KMT2C: variants seen among roughly 807,000 people sequenced by gnomAD.
KMT2C encodes the protein lysine methyltransferase 2C.
A neutral mutation model predicts 507.9 loss-of-function variants in KMT2C; 88 were observed. That is an observed-to-expected ratio of 0.17 (90% CI 0.15 to 0.21). The LOEUF is 0.21. KMT2C is among the 10% of genes least tolerant of loss of function. KMT2C has a pLI of 1.00. For synonymous variants in KMT2C, 2,049 were observed against 2,080.8 expected (o/e 0.98, Z 0.42); for missense variants, 4,954 against 5,957.8 (o/e 0.83, Z 5.55).
In KMT2C at chr7:152,181,737, T is replaced by C. The variant is rs1162231885; in HGVS notation, c.6123A>G (p.Gly2041=). The change falls in exon 36 of 59, where the codon GGA becomes GGG. Residue 2041 remains glycine (G), a synonymous_variant. Coordinates refer to ENST00000262189, the MANE Select transcript of KMT2C (RefSeq NM_170606.3). ...LTPAPLDSGP[G]PFKTPMQPPP... is the part of the protein sequence containing the mutation. Reference sequence around the variant, plus strand: ...GAGGTTGCATTGGAGTCTTAAAAGGTCCAGGACCACTATCAAGAGGTGCAG... The same window carrying C: ...GAGGTTGCATTGGAGTCTTAAAAGGCCCAGGACCACTATCAAGAGGTGCAG... 1 of 1,614,024 alleles carries C rather than the reference T, an allele frequency of 6.2e-7. No homozygotes were observed. The highest frequency in any genetic ancestry group is 8.5e-7 in the Non-Finnish European group (1 of 1,180,008).
intron 2 of KMT2C, among the ~76,000 whole-genome samples, chr7:152,343,832 T>A (rs920912906): frequency 1.3e-5 from 2 of 152,120 alleles, no homozygotes; most frequent in African/African-American, 2.4e-5. Flanking sequence ...AAGTGAAGGC[T>A]TTCTCAGGCA....
chr7:152,270,910 T>A (rs957339375), intron 7 of KMT2C, among the ~76,000 whole-genome samples: 3 of 152,208 alleles, frequency 2.0e-5, no homozygotes, highest in Non-Finnish European at 4.4e-5. Flanking sequence ...ATGAGATGCA[T>A]GCTTTTGTTA....
chr7:152,229,862 T>A, intron 18 of KMT2C, 61 bp downstream of exon 18: 1 of 1,250,944 alleles, frequency 8.0e-7, no homozygotes, highest in Middle Eastern at 2.9e-4. Flanking sequence ...GAGCTCATGT[T>A]ACTACTAAAA....
intron 34 of KMT2C, among the ~76,000 whole-genome samples, chr7:152,185,106 A>G (rs1344112006): frequency 6.6e-6 from 1 of 152,174 alleles, no homozygotes; most frequent in African/African-American, 2.4e-5. Flanking sequence ...TACTTAACAC[A>G]ATATAAATGC....
chr7:152,169,121 AC>A (rs2092852097), intron 41 of KMT2C, 64 bp downstream of exon 41: 4 of 1,030,210 alleles, frequency 3.9e-6, no homozygotes, highest in Non-Finnish European at 6.2e-6. Flanking sequence ...CAGGTTTAGA[AC>A]AGCACACATA....
intron 20 of KMT2C, among the ~76,000 whole-genome samples, chr7:152,223,686 C>T (rs1279180884): frequency 2.6e-5 from 4 of 151,910 alleles, no homozygotes; most frequent in Non-Finnish European, 4.4e-5. Context: ...CCCAGATACT[C>T]GGGAGGCTGA....
rs113632846 is a variant in KMT2C, at chr7:152,238,803, T to C, written c.2556A>G (p.Thr852=). 2 of 1,608,196 alleles carry C rather than the reference T, an allele frequency of 1.2e-6. No individual in the cohort carries two copies. Among genetic ancestry groups the C allele is most frequent in the Admixed American group, 3.4e-5 (2 of 59,336 alleles). ...SKQGAWSTHN[T]VSPPSWSPDI... is the part of the protein sequence containing the mutation. ...CTGGGGACCAGGAAGGTGGGCTCAC[T>C]GTATTATGGGTACTCCAAGCCCCCT... Residue 852 remains threonine (T), a synonymous_variant, in exon 15 of 59, where the codon ACA becomes ACG. Transcript: ENST00000262189.
intron 6 of KMT2C, among the ~76,000 whole-genome samples, chr7:152,303,962 C>T (rs1254199684): frequency 6.6e-6 from 1 of 151,900 alleles, no homozygotes; most frequent in Non-Finnish European, 1.5e-5. Flanking sequence ...CAATCTCAGC[C>T]TAGGAGACAG....
At chr7:152,306,593 A>C (rs2096617431) in intron 6 of KMT2C, among the ~76,000 whole-genome samples, 1 of 152,222 alleles carries the variant, frequency 6.6e-6, no homozygotes, top group African/African-American at 2.4e-5. Flanking sequence ...AGTAATACAT[A>C]ATTTGTATTG....
intron 6 of KMT2C, among the ~76,000 whole-genome samples, chr7:152,279,888 A>T (rs865978036): frequency 0.011 from 1,368 of 123,232 alleles, no homozygotes; most frequent in Middle Eastern, 0.029. Context: ...CAGTATTCTA[A>T]AATGCCCGCA....
At chr7:152,197,770 C>G (rs2094008356) in intron 27 of KMT2C, among the ~76,000 whole-genome samples, 2 of 151,832 alleles carry the variant, frequency 1.3e-5, no homozygotes, top group East Asian at 1.9e-4. Flanking sequence ...TAAAAAAAAG[C>G]CTTTAGTCAT....
At chr7:152,271,455 CGAGGTCAG>C (rs893385487) in intron 7 of KMT2C, among the ~76,000 whole-genome samples, 3 of 151,904 alleles carry the variant, frequency 2.0e-5, no homozygotes, top group African/African-American at 7.3e-5. Flanking sequence ...GGGCAGATCA[CGAGGTCAG>C]GAGTTCGAGA....
intron 48 of KMT2C, 43 bp downstream of exon 48, chr7:152,153,967 G>A (rs2091855425): frequency 6.3e-7 from 1 of 1,595,560 alleles, no homozygotes; most frequent in Non-Finnish European, 8.6e-7. Context: ...TTTGAAAATT[G>A]GGGACATACT....
intron 2 of KMT2C, among the ~76,000 whole-genome samples, chr7:152,346,622 T>C (rs1010300516): frequency 1.3e-5 from 2 of 152,160 alleles, no homozygotes; most frequent in South Asian, 2.1e-4. Context: ...CAGTTGACCC[T>C]TGAACAATGA....
chr7:152,154,835 G>A, intron 46 of KMT2C: 2 of 159,522 alleles, frequency 1.3e-5, no homozygotes, highest in Non-Finnish European at 2.7e-5. Flanking sequence ...CAATAAAAAA[G>A]GAAAACTTTA....
intron 1 of KMT2C, among the ~76,000 whole-genome samples, chr7:152,403,497 G>A (rs2097584897): frequency 6.6e-6 from 1 of 152,292 alleles, no homozygotes; most frequent in African/African-American, 2.4e-5. Flanking sequence ...CAACAAGAGC[G>A]AAACTCCATC....
chr7:152,162,534 CTCTAAT>C lies in KMT2C; in HGVS notation c.11037_11042del (p.Leu3680_Glu3681del), dbSNP rs776725840. 6.2e-7 allele frequency: 1 copy of C among 1,614,208 alleles called. No individual in the cohort carries two copies. The highest frequency in any genetic ancestry group is 2.2e-5 in the East Asian group (1 of 44,882). On this transcript the variant is annotated inframe_deletion, in exon 43 of 59. Coordinates refer to ENST00000262189, the MANE Select transcript of KMT2C (RefSeq NM_170606.3). ...AGAAATCACTATTGGGCAGTTTGTTCTCTAATTCTGTACATAGCTGGCCTGCTGCCA... is the reference window on the plus strand; with the variant it reads ...AGAAATCACTATTGGGCAGTTTGTTCTCTGTACATAGCTGGCCTGCTGCCA...
At chr7:152,385,165 T>C (rs2097412550) in intron 1 of KMT2C, among the ~76,000 whole-genome samples, 1 of 152,132 alleles carries the variant, frequency 6.6e-6, no homozygotes, top group Non-Finnish European at 1.5e-5. Context: ...GTATTGAATC[T>C]CAGGAATCAG....
chr7:152,288,975 G>A (rs1228497057), intron 6 of KMT2C, among the ~76,000 whole-genome samples: 1 of 152,292 alleles, frequency 6.6e-6, no homozygotes, highest in Non-Finnish European at 1.5e-5. Context: ...GAAATTGTGA[G>A]ATGAATGAGA....
Sources: gnomAD v4.1 joint callset for allele counts (sites outside exome capture counted in the v4.1 genomes callset) on GRCh38, gnomAD v4.1.1 for gene constraint, MANE v1.5 for transcripts, NCBI Gene and HGNC (gene_info 2026-07-23, HGNC 2026-07-21) for gene names.